The following RABGAP1L variants were observed in gnomAD, a reference collection of about 807,000 sequenced individuals.
The protein encoded by RABGAP1L is rab GTPase-activating protein 1-like.
Under a neutral mutation model 137.7 loss-of-function variants are expected in RABGAP1L, and 63 were observed. The ratio of observed to expected loss-of-function variants is 0.46; its 90% CI spans 0.37 to 0.56. The LOEUF is 0.56. RABGAP1L is among the 20% of genes least tolerant of loss of function. RABGAP1L has a pLI of 0.00. For missense variants in RABGAP1L, 1,095 were observed against 1,244.0 expected, an observed-to-expected ratio of 0.88 and a Z score of 1.80; for synonymous variants, 431 against 433.7, an observed-to-expected ratio of 0.99 and a Z score of 0.08.
chr1:174,271,258 T>C (rs1326391769), intron 7 of RABGAP1L, among the ~76,000 whole-genome samples: 11 of 152,114 alleles, frequency 7.2e-5, no homozygotes, highest in Non-Finnish European at 7.4e-5. Flanking sequence ...CAAGAACTTA[T>C]AGGAAGTATA....
At position 174,321,544 on chromosome 1, in the gene RABGAP1L, C is replaced by T. The variant is rs965076098; in HGVS notation, c.1465+16417C>T. Among the ~76,000 whole-genome samples the T allele has an allele frequency of 1.8e-4, 27 of 152,182 alleles. 1 individual carries two copies. Among genetic ancestry groups the T allele is most frequent in the Admixed American group, 1.4e-3 (21 of 15,276 alleles). Reference sequence around the variant, plus strand: ...CCTTTATTTCTCAGACCGGCCAACACGTAGGGAAATAGAAAAGAACCTACA... The same window carrying T: ...CCTTTATTTCTCAGACCGGCCAACATGTAGGGAAATAGAAAAGAACCTACA... On this transcript the variant is annotated intron_variant, in intron 11 of 25. Coordinates refer to ENST00000681986, the MANE Select transcript of RABGAP1L (RefSeq NM_001366446.1).
At chr1:174,252,131 G>A (rs1672764857) in intron 6 of RABGAP1L, among the ~76,000 whole-genome samples, 1 of 152,192 alleles carries the variant, frequency 6.6e-6, no homozygotes, top group Non-Finnish European at 1.5e-5. Flanking sequence ...TTGATCTCAA[G>A]TGATCAGCCT....
intron 19 of RABGAP1L, among the ~76,000 whole-genome samples, chr1:174,913,889 C>G (rs956621281): frequency 3.9e-5 from 6 of 152,120 alleles, no homozygotes; most frequent in Admixed American, 2.6e-4. Context: ...AATTCTAAAA[C>G]TTTAATAACT....
At chr1:174,316,893 A>G (rs1571184586) in intron 11 of RABGAP1L, among the ~76,000 whole-genome samples, 1 of 152,042 alleles carries the variant, frequency 6.6e-6, no homozygotes, top group East Asian at 1.9e-4. Flanking sequence ...TCCACTTTCC[A>G]AAGGCAGAGG....
At chr1:174,598,448 C>A (rs1434622063) in intron 13 of RABGAP1L, among the ~76,000 whole-genome samples, 2 of 151,796 alleles carry the variant, frequency 1.3e-5, no homozygotes, top group South Asian at 4.1e-4. Flanking sequence ...GTGCTAAGTC[C>A]AATTTTTTTG....
At chr1:174,264,343 T>C (rs981398644) in intron 7 of RABGAP1L, among the ~76,000 whole-genome samples, 1 of 152,134 alleles carries the variant, frequency 6.6e-6, no homozygotes, top group African/African-American at 2.4e-5. Flanking sequence ...TTGTATACTC[T>C]ATTTTATTCC....
At chr1:174,181,534 TCACCGTGTTAGCCA>T (rs1666365809) in intron 1 of RABGAP1L, among the ~76,000 whole-genome samples, 2 of 152,124 alleles carry the variant, frequency 1.3e-5, no homozygotes, top group Admixed American at 6.5e-5. Flanking sequence ...AGATGGGGTT[TCACCGTGTTAGCCA>T]GGATGGTCTC....
intron 13 of RABGAP1L, among the ~76,000 whole-genome samples, chr1:174,559,571 A>C (rs1421282865): frequency 6.6e-6 from 1 of 152,246 alleles, no homozygotes; most frequent in East Asian, 1.9e-4. Flanking sequence ...AGACGGTAGA[A>C]GTCCATTTTC....
intron 13 of RABGAP1L, among the ~76,000 whole-genome samples, chr1:174,538,710 A>C (rs1181784761): frequency 1.3e-5 from 2 of 152,212 alleles, no homozygotes; most frequent in African/African-American, 4.8e-5. Flanking sequence ...ACAAATGGTC[A>C]AATATATGAA....
intron 19 of RABGAP1L, among the ~76,000 whole-genome samples, chr1:174,880,931 G>A (rs960974540): frequency 2.0e-5 from 3 of 152,124 alleles, no homozygotes; most frequent in African/African-American, 7.2e-5. Flanking sequence ...AAAACTAACA[G>A]GAGTTTTCTA....
chr1:174,711,034 G>C (rs980641397), intron 17 of RABGAP1L, among the ~76,000 whole-genome samples: 2 of 152,148 alleles, frequency 1.3e-5, no homozygotes, highest in Non-Finnish European at 2.9e-5. Context: ...GCTAAAGCCC[G>C]GCGAGAAGTC....
intron 11 of RABGAP1L, among the ~76,000 whole-genome samples, chr1:174,317,774 T>C (rs970855510): frequency 1.3e-5 from 2 of 152,188 alleles, no homozygotes; most frequent in Non-Finnish European, 2.9e-5. Context: ...TACATAGCAC[T>C]GTAGCCCTTG....
intron 19 of RABGAP1L, among the ~76,000 whole-genome samples, chr1:174,874,047 T>A (rs1652653667): frequency 6.6e-6 from 1 of 152,190 alleles, no homozygotes; most frequent in Admixed American, 6.5e-5. Flanking sequence ...TCTAGGAGGA[T>A]GACTGTTGGG....
At chr1:174,665,385 CTTTCTTTCTTTCT>C (rs1356541570) in intron 14 of RABGAP1L, among the ~76,000 whole-genome samples, 1 of 150,032 alleles carries the variant, frequency 6.7e-6, no homozygotes, top group Non-Finnish European at 1.5e-5. Flanking sequence ...TTTTCCTTTC[CTTTCTTTCTTTCT>C]TTTCTTTTCC....
At chr1:174,812,731 G>A (rs1267927654) in intron 19 of RABGAP1L, among the ~76,000 whole-genome samples, 2 of 152,050 alleles carry the variant, frequency 1.3e-5, no homozygotes, top group Non-Finnish European at 2.9e-5. Context: ...ATAAATAGCT[G>A]TGAAAAAAAA....
intron 24 of RABGAP1L, among the ~76,000 whole-genome samples, chr1:174,983,682 A>G (rs1671328447): frequency 1.3e-5 from 2 of 152,230 alleles, no homozygotes; most frequent in African/African-American, 2.4e-5. Context: ...TAAAATGGAG[A>G]TAACATTACC....
intron 13 of RABGAP1L, among the ~76,000 whole-genome samples, chr1:174,529,171 T>C (rs1187048930): frequency 6.6e-6 from 1 of 152,058 alleles, no homozygotes; most frequent in Non-Finnish European, 1.5e-5. Flanking sequence ...TGGGGAATTA[T>C]TGTGTTTCTT....
At chr1:174,180,610 A>G (rs1452514483) in intron 1 of RABGAP1L, among the ~76,000 whole-genome samples, 1 of 152,116 alleles carries the variant, frequency 6.6e-6, no homozygotes, top group Non-Finnish European at 1.5e-5. Context: ...GACTGAAGGC[A>G]TATGCCACCA....
chr1:174,683,739 T>G, intron 15 of RABGAP1L, 143 bp downstream of exon 15: 1 of 550,086 alleles, frequency 1.8e-6, no homozygotes, highest in East Asian at 3.2e-5. Context: ...CGTTAGGTGA[T>G]AAAGTAAGAG....
Sources: gnomAD v4.1 joint callset for allele counts (sites outside exome capture counted in the v4.1 genomes callset) on GRCh38, gnomAD v4.1.1 for gene constraint, MANE v1.5 for transcripts, NCBI Gene and HGNC (gene_info 2026-07-23, HGNC 2026-07-21) for gene names.